The following COL18A1 variants were observed in gnomAD, a reference collection of about 807,000 sequenced individuals.
COL18A1 encodes the protein collagen type XVIII alpha 1 chain, also known as collagen alpha-1(XVIII) chain.
Under a neutral mutation model 168.0 loss-of-function variants are expected in COL18A1, and 133 were observed. The ratio of observed to expected loss-of-function variants is 0.79; its 90% CI spans 0.69 to 0.91. COL18A1 has a LOEUF of 0.91. Among genes scored for constraint, COL18A1 ranks in the 40% least tolerant of loss-of-function variants. The pLI is 0.00. For missense variants in COL18A1, 2,126 were observed against 1,925.4 expected, an observed-to-expected ratio of 1.10 and a Z score of -1.95; for synonymous variants, 949 against 809.0, an observed-to-expected ratio of 1.17 and a Z score of -2.94.
At position 45,495,475 on chromosome 21, in the gene COL18A1, G is replaced by C. The variant is rs752835388; in HGVS notation, c.2508+43G>C. 31 of 1,537,376 alleles carry C rather than the reference G, an allele frequency of 2.0e-5. 1 individual carries two copies. Among genetic ancestry groups the C allele is most frequent in the Admixed American group, 1.5e-4 (8 of 54,444 alleles). ...GGCGGACTGGGTGGCTGGGAGACCA[G>C]GACCTGGGAATGGCCTGGCCACAGC... On this transcript the variant is annotated intron_variant, in intron 29 of 41. Transcript: ENST00000651438.
At chr21:45,448,954 C>T (rs2034562513) in intron 2 of COL18A1, among the ~76,000 whole-genome samples, 1 of 152,226 alleles carries the variant, frequency 6.6e-6, no homozygotes, top group African/African-American at 2.4e-5. Flanking sequence ...CACCCACCTG[C>T]CTGCTCGTGT....
At chr21:45,456,700 C>G in intron 2 of COL18A1, 1 of 1,532,268 alleles carries the variant, frequency 6.5e-7, no homozygotes, top group Non-Finnish European at 8.8e-7. Flanking sequence ...GGTTCTTCTG[C>G]CTGCTGCTGG....
chr21:45,446,718 T>C (rs1051299091), intron 2 of COL18A1, among the ~76,000 whole-genome samples: 1 of 151,626 alleles, frequency 6.6e-6, no homozygotes, highest in Non-Finnish European at 1.5e-5. Flanking sequence ...AATTGCAGAC[T>C]AGTTTATCTT....
intron 14 of COL18A1, 53 bp from the exon 15 acceptor site, chr21:45,482,742 G>C (rs959165510): frequency 6.2e-7 from 1 of 1,614,156 alleles, no homozygotes; most frequent in Non-Finnish European, 8.5e-7. Flanking sequence ...GCCTTCCTCT[G>C]TCCACTGTGC....
intron 2 of COL18A1, among the ~76,000 whole-genome samples, chr21:45,436,587 G>C (rs2034103888): frequency 6.6e-6 from 1 of 152,112 alleles, no homozygotes; most frequent in Admixed American, 6.5e-5. Context: ...ATTGGGGAGG[G>C]GACCATGGGA....
rs148933449 is a variant in COL18A1, at chr21:45,491,184, C to T, written c.2068-41C>T. 610 of 1,523,152 alleles carry T rather than the reference C, an allele frequency of 4.0e-4. 7 individuals carry two copies. The East Asian group carries it at 0.01, about 26-fold the overall frequency. The allele number at this position is 1,523,152 out of a possible 1,614,324, so 94.4% of individuals were successfully genotyped here. On this transcript the variant is annotated intron_variant, in intron 21 of 41. Coordinates refer to ENST00000651438, the MANE Select transcript of COL18A1 (RefSeq NM_001379500.1). ...GTGGACTCTGGGGTCCTGGCCAGAG[C>T]GGTTGAGATGAAATGCCGGACGCGT...
At position 45,481,556 on chromosome 21, in the gene COL18A1, C is replaced by T. The variant is rs1172900428; in HGVS notation, c.1612-407C>T. ...CCAGCCAACCCTACCGATGGGCATT[C>T]ACCGTCACCATCGGCTCTGAGGCCT... On this transcript the variant is annotated intron_variant, in intron 13 of 41. Coordinates refer to ENST00000651438, the MANE Select transcript of COL18A1 (RefSeq NM_001379500.1). Among the ~76,000 whole-genome samples, 5 of 152,340 alleles carry T rather than the reference C, an allele frequency of 3.3e-5. No individual in the cohort carries two copies. In the East Asian group the frequency reaches 9.7e-4, roughly 29 times the overall value.
intron 4 of COL18A1, 49 bp from the exon 5 acceptor site, chr21:45,475,427 C>T (rs748693685): frequency 1.1e-5 from 16 of 1,519,906 alleles, no homozygotes; most frequent in East Asian, 2.4e-5. Flanking sequence ...GGGCTCGGGG[C>T]CTGGCCTGGC....
At chr21:45,429,671 AG>A (rs2033900664) in intron 2 of COL18A1, among the ~76,000 whole-genome samples, 1 of 152,172 alleles carries the variant, frequency 6.6e-6, no homozygotes, top group African/African-American at 2.4e-5. Flanking sequence ...TGGAGCTGGG[AG>A]CCTGACTGCG....
At chr21:45,459,596 G>A (rs992638366) in intron 2 of COL18A1, among the ~76,000 whole-genome samples, 1 of 152,230 alleles carries the variant, frequency 6.6e-6, no homozygotes, top group Non-Finnish European at 1.5e-5. Flanking sequence ...CTGGGGCGTG[G>A]GGGGCGCTCA....
At chr21:45,460,069 G>A (rs994840328) in intron 2 of COL18A1, among the ~76,000 whole-genome samples, 2 of 152,204 alleles carry the variant, frequency 1.3e-5, no homozygotes, top group Non-Finnish European at 2.9e-5. Context: ...GTGAGAAACT[G>A]AGGCCTAGGA....
intron 2 of COL18A1, among the ~76,000 whole-genome samples, chr21:45,444,325 G>C (rs1005926077): frequency 1.4e-5 from 2 of 139,534 alleles, no homozygotes; most frequent in Admixed American, 1.4e-4. Context: ...AGTAGGTGGC[G>C]TGCAGGGGTG....
intron 2 of COL18A1, chr21:45,456,316 A>G: frequency 1.9e-6 from 3 of 1,551,416 alleles, no homozygotes; most frequent in African/African-American, 2.7e-5. Context: ...TGCGCACGCC[A>G]CTTCTGCACC....
At chr21:45,406,301 A>G (rs1407243190) in intron 2 of COL18A1, among the ~76,000 whole-genome samples, 1 of 152,186 alleles carries the variant, frequency 6.6e-6, no homozygotes, top group African/African-American at 2.4e-5. Context: ...CCACGCAGCC[A>G]GCGCCTGCCT....
Position 45,512,185 on chromosome 21 carries a change from C to T in COL18A1, c.3810-3C>T, listed in dbSNP as rs553288348. The T allele has an allele frequency of 3.7e-6, 6 of 1,611,526 alleles. No individual in the cohort carries two copies. Among genetic ancestry groups the T allele is most frequent in the Admixed American group, 1.7e-5 (1 of 59,878 alleles). ...TTGACTGACGGCCCGGCGCGTCTTA[C>T]AGGCCCCAGAAGAGCGTGTGGCATG... On this transcript the variant is annotated splice_polypyrimidine_tract_variant and splice_region_variant and intron_variant, in intron 41 of 41. Transcript: ENST00000651438.
intron 2 of COL18A1, among the ~76,000 whole-genome samples, chr21:45,447,291 T>A (rs1356661654): frequency 1.3e-5 from 2 of 151,906 alleles, no homozygotes; most frequent in Non-Finnish European, 2.9e-5. Context: ...ATTGTTCCTC[T>A]AAAATTACAG....
In COL18A1 at chr21:45,479,883, C is replaced by A. The variant is rs370144243; in HGVS notation, c.1249-19C>A. 9.7e-5 allele frequency: 156 copies of A among 1,613,390 alleles called. No individual in the cohort carries two copies. The African/African-American group carries it at 1.9e-3, about 19-fold the overall frequency. On this transcript the variant is annotated intron_variant, in intron 9 of 41. Transcript: ENST00000651438. ...TGGTGGTGCCTTCCCTGACCGGGCC[C>A]CCGGATGTTGTGTTCCAGGGCGACA...
chr21:45,422,592 CA>C, intron 2 of COL18A1: 2 of 454,480 alleles, frequency 4.4e-6, no homozygotes, highest in Non-Finnish European at 4.6e-6. Flanking sequence ...GTGCGGGTCT[CA>C]GGGCACAGTG....
In COL18A1 at chr21:45,496,510, G is replaced by A. The variant is rs1450283602; in HGVS notation, c.2519G>A (p.Gly840Asp). The change falls in exon 30 of 42, where the codon GGC becomes GAC. Residue 840 changes from glycine to aspartate, a missense_variant. Transcript: ENST00000651438. ...SLGFGMRGMP[G>D]PPGPPGPPGP... ...CTGCCCTCCCCACAGGGAATGCCCGGCCCCCCAGGACCTCCAGGGCCCCCA... is the reference window on the plus strand; with the variant it reads ...CTGCCCTCCCCACAGGGAATGCCCGACCCCCCAGGACCTCCAGGGCCCCCA... 3 of 1,465,056 alleles carry A rather than the reference G, an allele frequency of 2.0e-6. No individual in the cohort carries two copies. Among genetic ancestry groups the A allele is most frequent in the Non-Finnish European group, 2.9e-6 (3 of 1,044,748 alleles). 90.8% of individuals were successfully genotyped at this position (1,465,056 alleles called of 1,614,324 possible). A position where few individuals can be genotyped will look rare whatever the true frequency, so the allele number is the denominator to read the frequency against.
Sources: allele counts gnomAD v4.1 joint callset (sites outside exome capture counted in the v4.1 genomes callset), GRCh38; gene constraint gnomAD v4.1.1; transcripts MANE v1.5; gene names NCBI Gene and HGNC (gene_info 2026-07-23, HGNC 2026-07-21).